Variants in ARID1B observed in about 807,000 individuals in gnomAD.
ARID1B encodes the protein AT-rich interactive domain-containing protein 1B.
Under a neutral mutation model 212.3 loss-of-function variants are expected in ARID1B, and 30 were observed. The ratio of observed to expected loss-of-function variants is 0.14; its 90% CI spans 0.11 to 0.19. The LOEUF (loss-of-function observed/expected upper bound fraction) is 0.19, where lower values mean the gene tolerates loss of function less well. Ranked by LOEUF, ARID1B falls within the 10% of genes least tolerant of loss-of-function variation. The probability of loss-of-function intolerance (pLI) is 1.00; values close to 1 mark genes in which losing one functional copy is unlikely to be tolerated. For synonymous variants in ARID1B, 1,402 were observed against 1,301.7 expected, an observed-to-expected ratio of 1.08 and a Z score of -1.66; for missense variants, 2,891 against 3,204.0, an observed-to-expected ratio of 0.90 and a Z score of 2.36.
chr6:157,198,877 G>A lies in ARID1B; in HGVS notation c.4449G>A (p.Gly1483=), dbSNP rs147424506. Reference sequence around the variant, plus strand: ...CCTCGGGACAGCCGCCGTATGGAGGGCACCAGCCCGGCCTGTACCCACAGC... The same window carrying A: ...CCTCGGGACAGCCGCCGTATGGAGGACACCAGCCCGGCCTGTACCCACAGC... ...GPPSGQPPYG[G]HQPGLYPQQP... is the part of the protein sequence containing the mutation. Residue 1483 remains glycine (G), a synonymous_variant, in exon 17 of 20, where the codon GGG becomes GGA. Coordinates refer to ENST00000636930, the MANE Select transcript of ARID1B (RefSeq NM_001374828.1). 2.5e-6 allele frequency: 4 copies of A among 1,608,874 alleles called. No individual in the cohort carries two copies. The highest frequency in any genetic ancestry group is 1.3e-5 in the African/African-American group (1 of 75,034).
intron 4 of ARID1B, among the ~76,000 whole-genome samples, chr6:157,026,228 G>T (rs1416328283): frequency 1.3e-5 from 2 of 152,094 alleles, no homozygotes; most frequent in African/African-American, 4.8e-5. Context: ...TTAAAAATCA[G>T]ATCTCTCCTT....
At chr6:156,997,081 T>A (rs1778636477) in intron 4 of ARID1B, among the ~76,000 whole-genome samples, 1 of 152,226 alleles carries the variant, frequency 6.6e-6, no homozygotes, top group Non-Finnish European at 1.5e-5. Context: ...GGAATTATTT[T>A]TAAACATATT....
chr6:157,206,051 G>A lies in ARID1B; in HGVS notation c.5395-116G>A, dbSNP rs772199740. ...GGTCCAGCCAAAAAGGGAGACAAACGTGTGACAATGATGGAAAGGTATTGA... is the reference window on the plus strand; with the variant it reads ...GGTCCAGCCAAAAAGGGAGACAAACATGTGACAATGATGGAAAGGTATTGA... On this transcript the variant is annotated intron_variant, in intron 19 of 19. Coordinates refer to ENST00000636930, the MANE Select transcript of ARID1B (RefSeq NM_001374828.1). This position sits in a 1 kb window ranked among gnomAD's most constrained non-coding sequence, Gnocchi z 6.8. The A allele has an allele frequency of 2.2e-4, 259 of 1,164,232 alleles. No homozygotes were observed. The highest frequency in any genetic ancestry group is 3.7e-4 in the Admixed American group (17 of 46,046). 72.1% of individuals were successfully genotyped at this position (1,164,232 alleles called of 1,614,324 possible).
chr6:157,109,490 G>A (rs143360379), intron 5 of ARID1B, among the ~76,000 whole-genome samples: 22 of 152,254 alleles, frequency 1.4e-4, no homozygotes, highest in African/African-American at 4.8e-4. Flanking sequence ...AGATAAAATA[G>A]CATGGTCCTC....
intron 5 of ARID1B, among the ~76,000 whole-genome samples, chr6:157,090,749 T>C (rs1222472908): frequency 1.3e-5 from 2 of 152,206 alleles, no homozygotes; most frequent in Non-Finnish European, 2.9e-5. Context: ...TGGCTGGGCA[T>C]GAGGGATGGG....
intron 2 of ARID1B, among the ~76,000 whole-genome samples, chr6:156,832,089 C>G (rs1408074370): frequency 6.6e-6 from 1 of 152,098 alleles, no homozygotes; most frequent in Non-Finnish European, 1.5e-5. Flanking sequence ...AGAAGACATA[C>G]AGCTTTTATA....
intron 2 of ARID1B, among the ~76,000 whole-genome samples, chr6:156,867,964 C>T (rs1469105503): frequency 6.6e-6 from 1 of 152,242 alleles, no homozygotes; most frequent in Non-Finnish European, 1.5e-5. Flanking sequence ...TTGAGCATGG[C>T]TGCTGCAGTT....
Position 157,017,590 on chromosome 6 carries a change from G to C in ARID1B, c.2248-67072G>C, listed in dbSNP as rs887735241. Among the ~76,000 whole-genome samples, 5 of 152,160 alleles carry C rather than the reference G, an allele frequency of 3.3e-5. No homozygotes were observed. In the East Asian group the frequency reaches 9.6e-4, roughly 29 times the overall value. ...TCATCAGTAGTAACAAATGAGCAGT[G>C]CTAGTTGAAATTCTAAAATAAAAAC... On this transcript the variant is annotated intron_variant, in intron 4 of 19. Coordinates refer to ENST00000636930, the MANE Select transcript of ARID1B (RefSeq NM_001374828.1).
intron 4 of ARID1B, chr6:156,940,122 A>G (rs1792558305): frequency 6.6e-6 from 1 of 152,194 alleles, no homozygotes; most frequent in Admixed American, 6.5e-5. Context: ...GAGGTTCATT[A>G]TTCTGTTTAC....
At chr6:156,971,989 G>T (rs1289572102) in intron 4 of ARID1B, among the ~76,000 whole-genome samples, 1 of 152,154 alleles carries the variant, frequency 6.6e-6, no homozygotes, top group African/African-American at 2.4e-5. Flanking sequence ...TGTACCCAGA[G>T]CCAGGAATCC....
chr6:156,778,031 GTCCTCCTCC>G lies in ARID1B; in HGVS notation c.364_372del (p.Ser122_Ser124del), dbSNP rs770512547. ...AGGAGGGTGGAAGCGCCGCCGCGCT[GTCCTCCTCC>G]TCCTCCTCCTCCGCGGCGGCAGCGG... On this transcript the variant is annotated inframe_deletion, in exon 1 of 20. Coordinates refer to ENST00000636930, the MANE Select transcript of ARID1B (RefSeq NM_001374828.1). 3.3e-6 allele frequency: 5 copies of G among 1,532,398 alleles called. No homozygotes were observed. Among genetic ancestry groups the G allele is most frequent in the Non-Finnish European group, 4.4e-6 (5 of 1,144,190 alleles). The allele number at this position is 1,532,398 out of a possible 1,614,324, so 94.9% of individuals were successfully genotyped here. A position where few individuals can be genotyped will look rare whatever the true frequency, so the allele number is the denominator to read the frequency against.
intron 1 of ARID1B, among the ~76,000 whole-genome samples, chr6:156,790,393 T>G (rs1779928085): frequency 6.6e-6 from 1 of 152,210 alleles, no homozygotes; most frequent in Non-Finnish European, 1.5e-5. Context: ...TTAAATTAAT[T>G]AAGATAGTTT....
chr6:156,981,255 T>C (rs1777584475), intron 4 of ARID1B, among the ~76,000 whole-genome samples: 1 of 152,136 alleles, frequency 6.6e-6, no homozygotes, highest in African/African-American at 2.4e-5. Flanking sequence ...GGTAGTGAAG[T>C]AGAGCATAGG....
At chr6:156,994,488 T>G (rs1562535151) in intron 4 of ARID1B, among the ~76,000 whole-genome samples, 1 of 151,494 alleles carries the variant, frequency 6.6e-6, no homozygotes, top group Non-Finnish European at 1.5e-5. Flanking sequence ...AAATGATACT[T>G]AAAACAAATA....
At chr6:157,057,061 G>C (rs1783009738) in intron 4 of ARID1B, among the ~76,000 whole-genome samples, 1 of 151,300 alleles carries the variant, frequency 6.6e-6, no homozygotes, top group African/African-American at 2.4e-5. Context: ...GGAGTGCAGT[G>C]GCGTGGCTCA....
Position 157,207,254 on chromosome 6 carries a change from C to G in ARID1B, c.6482C>G (p.Ser2161Cys), listed in dbSNP as rs2128397243. ...AACATTTCCGGGCAGCTAGACTTGT[C>G]TGCTTACACGGAAAGCATCTGCTTG... ...LANISGQLDL[S>C]AYTESICLPI... Residue 2161 changes from serine to cysteine, a missense_variant, in exon 20 of 20, where the codon TCT becomes TGT. Physicochemically the swap from Ser to Cys is moderately radical, Grantham distance 112. Transcript: ENST00000636930. This position sits in a 1 kb window ranked among gnomAD's most constrained non-coding sequence, Gnocchi z 8.5. 1 of 1,614,172 alleles carries G rather than the reference C, an allele frequency of 6.2e-7. No homozygotes were observed. Among genetic ancestry groups the G allele is most frequent in the Non-Finnish European group, 8.5e-7 (1 of 1,180,012 alleles).
chr6:157,100,928 A>G (rs1467638370), intron 5 of ARID1B, among the ~76,000 whole-genome samples: 1 of 152,254 alleles, frequency 6.6e-6, no homozygotes, highest in Non-Finnish European at 1.5e-5. Flanking sequence ...GTTATAGTGT[A>G]ATTACTAGTG....
At chr6:156,793,591 T>C (rs572109649) in intron 1 of ARID1B, among the ~76,000 whole-genome samples, 34 of 152,156 alleles carry the variant, frequency 2.2e-4, no homozygotes, top group Non-Finnish European at 4.4e-4. Flanking sequence ...CTGCCTCAGC[T>C]TCCCGAAGAG....
Position 156,907,444 on chromosome 6 carries a change from C to T in ARID1B, c.2136+5919C>T, listed in dbSNP as rs549093659. Among the ~76,000 whole-genome samples the T allele has an allele frequency of 2.6e-5, 4 of 152,216 alleles. No homozygotes were observed. The East Asian group carries it at 7.7e-4, about 29-fold the overall frequency. On this transcript the variant is annotated intron_variant, in intron 3 of 19. Coordinates refer to ENST00000636930, the MANE Select transcript of ARID1B (RefSeq NM_001374828.1). Reference sequence around the variant, plus strand: ...ATTACCTTTTAAGTATCAAATGAAACTCACATTCTATAATAAACATAGCCT... The same window carrying T: ...ATTACCTTTTAAGTATCAAATGAAATTCACATTCTATAATAAACATAGCCT...
Sources: allele counts gnomAD v4.1 joint callset (sites outside exome capture counted in the v4.1 genomes callset), GRCh38; gene constraint gnomAD v4.1.1; non-coding constraint Gnocchi (gnomAD v3.1); transcripts MANE v1.5; gene names NCBI Gene and HGNC (gene_info 2026-07-23, HGNC 2026-07-21).